The following ZNF366 variants were observed in gnomAD, a reference collection of about 807,000 sequenced individuals.
The protein encoded by ZNF366 is dendritic cell-specific transcript protein.
Under a neutral mutation model 47.2 loss-of-function variants are expected in ZNF366, and 20 were observed. The ratio of observed to expected loss-of-function variants is 0.42; its 90% CI spans 0.30 to 0.62. The LOEUF (loss-of-function observed/expected upper bound fraction) is 0.62. Ranked by LOEUF, ZNF366 falls within the 20% of genes least tolerant of loss-of-function variation. ZNF366 has a pLI of 0.16. For missense variants in ZNF366, 987 were observed against 976.3 expected (o/e 1.01, Z -0.15); for synonymous variants, 421 against 395.1 (o/e 1.07, Z -0.78).
rs1203076144 is a variant in ZNF366 at position 72,461,493 on chromosome 5, G to A, written c.4C>T (p.Gln2Ter). ...TCTTTGATCATCTTCATTTCCTTCT[G>A]CATCCTTGGCAATTTTCCTTTAAAG... M[Q>*]KEMKMIKDED... The change falls in exon 2 of 5, where the codon CAG becomes TAG. Residue 2 changes from glutamine (Q) to a stop codon, truncating the protein, a stop_gained. Transcript: ENST00000318442. LOFTEE classifies it high-confidence loss of function. 1 of 1,535,964 alleles carries A rather than the reference G, an allele frequency of 6.5e-7. No homozygotes were observed. The highest frequency in any genetic ancestry group is 2.3e-5 in the East Asian group (1 of 43,996).
Position 72,468,807 on chromosome 5 carries a change from G to A in ZNF366, c.-14-7297C>T, listed in dbSNP as rs114463355. Among the ~76,000 whole-genome samples the A allele has an allele frequency of 3.0e-3, 463 of 152,248 alleles. 5 individuals carry two copies. Among genetic ancestry groups the A allele is most frequent in the African/African-American group, 0.011 (439 of 41,546 alleles). On this transcript the variant is annotated intron_variant, in intron 1 of 4. Coordinates refer to ENST00000318442, the MANE Select transcript of ZNF366 (RefSeq NM_152625.3). ...GTGTGTTGGGGTTATCTCTGTCCTC[G>A]TGACCCATTTAAAGGAAGGAAATGA... is the stretch of plus-strand genomic sequence containing the variant.
intron 3 of ZNF366, among the ~76,000 whole-genome samples, chr5:72,449,483 C>T (rs923472099): frequency 1.4e-4 from 22 of 152,202 alleles, no homozygotes; most frequent in African/African-American, 2.2e-4. Context: ...GTGATCCATC[C>T]GCCTCAGCCT....
intron 1 of ZNF366, among the ~76,000 whole-genome samples, chr5:72,491,479 A>C (rs1168656414): frequency 1.3e-5 from 2 of 152,204 alleles, no homozygotes; most frequent in Admixed American, 6.5e-5. Flanking sequence ...GAAGGAGCAG[A>C]AGCTTGGGAG....
rs375204168 is a variant in ZNF366, at chr5:72,460,157, C to G, written c.1332+8G>C. 85 of 1,612,826 alleles carry G rather than the reference C, an allele frequency of 5.3e-5. No individual in the cohort carries two copies. In the Admixed American group the frequency reaches 6.0e-4, roughly 11 times the overall value. On this transcript the variant is annotated splice_region_variant and intron_variant, in intron 2 of 4. Transcript: ENST00000318442. Reference sequence around the variant, plus strand: ...GCCCCGTCCGCCCCACCAGAGGCCCCGCAGTACCTTGTGGGTGAGGGAGTG... The same window carrying G: ...GCCCCGTCCGCCCCACCAGAGGCCCGGCAGTACCTTGTGGGTGAGGGAGTG...
At chr5:72,461,792 C>A (rs943604220) in intron 1 of ZNF366, among the ~76,000 whole-genome samples, 1 of 152,134 alleles carries the variant, frequency 6.6e-6, no homozygotes, top group Non-Finnish European at 1.5e-5. Flanking sequence ...GTGATGGTAG[C>A]AAGGGAAGTG....
At position 72,443,528 on chromosome 5, in the gene ZNF366, A is replaced by G. The variant is rs1742896543; in HGVS notation, c.*228T>C. ...ATACTCACAGTTTATTATACTGGCA[A>G]TGCATAAAACGCCACTGATGAAGAC... On this transcript the variant is annotated 3_prime_UTR_variant, in exon 5 of 5. Transcript: ENST00000318442. The G allele has an allele frequency of 2.0e-6, 1 of 495,590 alleles. No homozygotes were observed. Among genetic ancestry groups the G allele is most frequent in the African/African-American group, 1.9e-5 (1 of 52,152 alleles). The allele number at this position is 495,590 out of a possible 1,614,324, so 30.7% of individuals were successfully genotyped here. A position where few individuals can be genotyped will look rare whatever the true frequency, so the allele number is the denominator to read the frequency against.
chr5:72,486,971 T>A (rs1324628046), intron 1 of ZNF366, among the ~76,000 whole-genome samples: 1 of 152,108 alleles, frequency 6.6e-6, no homozygotes, highest in Non-Finnish European at 1.5e-5. Flanking sequence ...GAGACGGGGT[T>A]TCACCATGTT....
chr5:72,458,017 T>C (rs1054792761), intron 2 of ZNF366, among the ~76,000 whole-genome samples: 92 of 141,048 alleles, frequency 6.5e-4, no homozygotes, highest in African/African-American at 2.1e-3. Flanking sequence ...TCTTTCTTTT[T>C]TTTTTTTTTT....
chr5:72,498,852 T>C (rs868659134), intron 1 of ZNF366, among the ~76,000 whole-genome samples: 1 of 152,234 alleles, frequency 6.6e-6, no homozygotes, highest in Non-Finnish European at 1.5e-5. Flanking sequence ...ATATCCATAT[T>C]GCTTGAAGAG....
intron 1 of ZNF366, among the ~76,000 whole-genome samples, chr5:72,480,548 T>C (rs1240942829): frequency 6.6e-6 from 1 of 152,164 alleles, no homozygotes; most frequent in East Asian, 1.9e-4. Context: ...TCTAACTTCC[T>C]TATAAAAGGA....
intron 1 of ZNF366, among the ~76,000 whole-genome samples, chr5:72,465,537 G>A (rs1243140088): frequency 6.6e-6 from 1 of 152,160 alleles, no homozygotes; most frequent in Admixed American, 6.5e-5. Context: ...TCTTAAAGTA[G>A]ATCCACAGGC....
intron 1 of ZNF366, among the ~76,000 whole-genome samples, chr5:72,481,037 G>A (rs1743780799): frequency 6.6e-6 from 1 of 152,186 alleles, no homozygotes; most frequent in Non-Finnish European, 1.5e-5. Flanking sequence ...GGAACACCAT[G>A]TGTGGACACC....
intron 1 of ZNF366, among the ~76,000 whole-genome samples, chr5:72,504,096 C>A (rs369084620): frequency 4.6e-5 from 7 of 151,900 alleles, no homozygotes; most frequent in Admixed American, 4.6e-4. Context: ...CGCGCACACA[C>A]GCGTGCATGC....
chr5:72,490,997 C>T (rs536412938), intron 1 of ZNF366, among the ~76,000 whole-genome samples: 14 of 152,164 alleles, frequency 9.2e-5, no homozygotes, highest in African/African-American at 3.4e-4. Context: ...ACTCTGAGTC[C>T]GAAGAAGACA....
chr5:72,461,826 G>T (rs1743319988), intron 1 of ZNF366, among the ~76,000 whole-genome samples: 1 of 152,160 alleles, frequency 6.6e-6, no homozygotes, highest in Admixed American at 6.5e-5. Flanking sequence ...AGAAACCTGA[G>T]AACTCATCTG....
chr5:72,460,183 C>G lies in ZNF366; in HGVS notation c.1314G>C (p.Gln438His). The G allele has an allele frequency of 6.2e-7, 1 of 1,614,134 alleles. No individual in the cohort carries two copies. The highest frequency in any genetic ancestry group is 8.5e-7 in the Non-Finnish European group (1 of 1,179,974). The change falls in exon 2 of 5, where the codon CAG becomes CAC. Residue 438 changes from glutamine to histidine, a missense_variant. Around this residue, in one of 3 missense-constraint regions of ZNF366, gnomAD observed 111 missense variants for 180.5 expected, o/e 0.61. Transcript: ENST00000318442. ...MEFVQPHHLK[Q>H]HSLTHKGVKE... ...GCAGTACCTTGTGGGTGAGGGAGTG[C>G]TGCTTGAGGTGGTGCGGCTGCACAA...
At chr5:72,500,214 T>C (rs1744189389) in intron 1 of ZNF366, among the ~76,000 whole-genome samples, 4 of 152,076 alleles carry the variant, frequency 2.6e-5, no homozygotes, top group Admixed American at 2.6e-4. Flanking sequence ...AGCGGCAGAG[T>C]ACGTTTTCTT....
chr5:72,460,375 G>T lies in ZNF366; in HGVS notation c.1122C>A (p.Phe374Leu). Residue 374 changes from phenylalanine (F) to leucine (L), a missense_variant, in exon 2 of 5, where the codon TTC becomes TTA. Coordinates refer to ENST00000318442, the MANE Select transcript of ZNF366 (RefSeq NM_152625.3). Reference protein sequence around the residue: ...ENICVECGLDFPTLAQLKRHL... With the variant: ...ENICVECGLDLPTLAQLKRHL... ...GTCTCTTCAGCTGGGCCAAGGTGGG[G>T]AAGTCGAGGCCGCACTCCACACAGA... is the stretch of plus-strand genomic sequence containing the variant. 6.2e-7 allele frequency: 1 copy of T among 1,614,250 alleles called. No individual in the cohort carries two copies. Among genetic ancestry groups the T allele is most frequent in the Non-Finnish European group, 8.5e-7 (1 of 1,180,034 alleles).
At chr5:72,483,830 C>T (rs953364225) in intron 1 of ZNF366, among the ~76,000 whole-genome samples, 3 of 152,120 alleles carry the variant, frequency 2.0e-5, no homozygotes, top group Non-Finnish European at 2.9e-5. Flanking sequence ...GAATCATGTG[C>T]TCCTGGCCCT....
Sources: gnomAD v4.1 joint callset for allele counts (sites outside exome capture counted in the v4.1 genomes callset) on GRCh38, gnomAD v4.1.1 for gene constraint, gnomAD v4.1.1 regional missense constraint, MANE v1.5 for transcripts, NCBI Gene and HGNC (gene_info 2026-07-23, HGNC 2026-07-21) for gene names.